The following AKAP19 variants were observed in gnomAD, a reference collection of about 807,000 sequenced individuals.
The protein encoded by AKAP19 is small A-kinase anchoring protein.
chr2:190,040,171 C>A, the AKAP19 span, among the ~76,000 whole-genome samples: 4 of 152,168 alleles, frequency 2.6e-5, no homozygotes, highest in East Asian at 3.8e-4. Context: ...TTCTCCACAA[C>A]CTTGCCAGCA....
chr2:190,172,156 T>C, the AKAP19 span, among the ~76,000 whole-genome samples: 2 of 152,206 alleles, frequency 1.3e-5, no homozygotes, highest in Non-Finnish European at 2.9e-5. Context: ...TGGCATAGGC[T>C]ATATGCACTC....
chr2:190,090,280 G>T, the AKAP19 span, among the ~76,000 whole-genome samples: 42,479 of 152,030 alleles, frequency 0.28, 6,137 homozygotes, highest in Middle Eastern at 0.38. Flanking sequence ...GTAAGTAGGG[G>T]ATGGCCTGGT....
chr2:189,972,962 A>G, the AKAP19 span, among the ~76,000 whole-genome samples: 1 of 152,174 alleles, frequency 6.6e-6, no homozygotes, highest in African/African-American at 2.4e-5. Flanking sequence ...TTCCTAATTG[A>G]ATATCCTTTA....
the AKAP19 span, among the ~76,000 whole-genome samples, chr2:190,135,305 C>A: frequency 0.15 from 22,387 of 152,106 alleles, 1,830 homozygotes; most frequent in Middle Eastern, 0.19. Context: ...AGGTGTGGAA[C>A]GTGGTTTTTA....
the AKAP19 span, among the ~76,000 whole-genome samples, chr2:190,177,370 T>C: frequency 4.9e-4 from 74 of 152,332 alleles, no homozygotes; most frequent in African/African-American, 1.7e-3. The surrounding 1 kb of genome is among the most constrained non-coding windows in gnomAD (Gnocchi z 4.6). Context: ...ACTCGCAAAC[T>C]ATGCCATCCC....
the AKAP19 span, among the ~76,000 whole-genome samples, chr2:189,983,026 G>A: frequency 6.6e-6 from 1 of 152,130 alleles, no homozygotes; most frequent in Non-Finnish European, 1.5e-5. Flanking sequence ...CCTGGGTTAG[G>A]CTAATGTTGA....
chr2:190,015,877 G>A, the AKAP19 span, among the ~76,000 whole-genome samples: 3 of 152,096 alleles, frequency 2.0e-5, no homozygotes, highest in Non-Finnish European at 4.4e-5. Flanking sequence ...AGATCTCTAG[G>A]GCAAGGGCAA....
the AKAP19 span, among the ~76,000 whole-genome samples, chr2:190,019,446 C>A: frequency 5.3e-5 from 8 of 152,170 alleles, no homozygotes; most frequent in East Asian, 1.9e-4. Flanking sequence ...GGGATACAAG[C>A]CAAGTAGAAC....
chr2:190,188,356 T>A, the AKAP19 span, among the ~76,000 whole-genome samples: 1 of 152,210 alleles, frequency 6.6e-6, no homozygotes, highest in African/African-American at 2.4e-5. Context: ...TTAAACATTT[T>A]ATATTTCTGT....
At chr2:190,122,296 T>C in the AKAP19 span, among the ~76,000 whole-genome samples, 1 of 152,236 alleles carries the variant, frequency 6.6e-6, no homozygotes, top group African/African-American at 2.4e-5. Context: ...TCTGAAATCA[T>C]GGTGGAGCAG....
At chr2:190,036,270 A>C in the AKAP19 span, among the ~76,000 whole-genome samples, 1 of 152,106 alleles carries the variant, frequency 6.6e-6, no homozygotes, top group South Asian at 2.1e-4. Context: ...CTTGCCAACT[A>C]TACGCTCCCC....
At chr2:189,917,144 A>C in the AKAP19 span, 1 of 456,304 alleles carries the variant, frequency 2.2e-6, no homozygotes, top group Non-Finnish European at 3.9e-6. Flanking sequence ...ACAGAAAAAT[A>C]CTGTAATGAT....
chr2:189,995,197 A>T, the AKAP19 span, among the ~76,000 whole-genome samples: 1 of 152,112 alleles, frequency 6.6e-6, no homozygotes, highest in Non-Finnish European at 1.5e-5. Flanking sequence ...TGTCTTGATG[A>T]CCTGTCTAGT....
the AKAP19 span, among the ~76,000 whole-genome samples, chr2:190,037,992 T>A: frequency 1.3e-5 from 2 of 152,350 alleles, no homozygotes; most frequent in East Asian, 3.9e-4. Context: ...GCTTTTAAGA[T>A]AAATTTGGAG....
chr2:190,119,472 T>C, the AKAP19 span, among the ~76,000 whole-genome samples: 5 of 152,170 alleles, frequency 3.3e-5, no homozygotes, highest in African/African-American at 1.2e-4. Context: ...CAGGGCACTA[T>C]GAGTTCTGCA....
chr2:190,057,313 T>C, the AKAP19 span: 1 of 1,613,508 alleles, frequency 6.2e-7, no homozygotes, highest in Non-Finnish European at 8.5e-7. Context: ...ATATATTATT[T>C]GTTCTTTGCC....
chr2:189,918,435 A>G, the AKAP19 span, among the ~76,000 whole-genome samples: 139 of 152,240 alleles, frequency 9.1e-4, no homozygotes, highest in Non-Finnish European at 1.8e-3. Flanking sequence ...ACATCCAGTA[A>G]AAACACCCTA....
the AKAP19 span, among the ~76,000 whole-genome samples, chr2:189,914,735 A>T: frequency 4.5e-3 from 677 of 151,136 alleles, 6 homozygotes; most frequent in African/African-American, 0.015. Context: ...TTAATATCTA[A>T]CATTTATTGT....
chr2:189,977,156 C>A, the AKAP19 span, among the ~76,000 whole-genome samples: 2 of 152,160 alleles, frequency 1.3e-5, no homozygotes, highest in Non-Finnish European at 2.9e-5. Context: ...TGATAAATTG[C>A]TTTTTATCCC....
Sources: gnomAD v4.1 joint callset for allele counts (sites outside exome capture counted in the v4.1 genomes callset) on GRCh38, gnomAD v4.1.1 for gene constraint, Gnocchi (gnomAD v3.1) non-coding constraint, MANE v1.5 for transcripts, NCBI Gene and HGNC (gene_info 2026-07-23, HGNC 2026-07-21) for gene names.